The following CENPQ variants were observed in gnomAD, a reference collection of about 807,000 sequenced individuals.
The protein encoded by CENPQ is centromere protein Q.
A neutral mutation model predicts 36.6 loss-of-function variants in CENPQ; 27 were observed. The observed-to-expected ratio is 0.74, with a 90% CI of 0.54 to 1.02. The LOEUF (loss-of-function observed/expected upper bound fraction) is 1.02. Among genes scored for constraint, CENPQ ranks in the 50% least tolerant of loss-of-function variants. CENPQ has a pLI of 0.00. For synonymous variants in CENPQ, 101 were observed against 101.7 expected, an observed-to-expected ratio of 0.99 and a Z score of 0.04; for missense variants, 306 against 301.8, an observed-to-expected ratio of 1.01 and a Z score of -0.10.
chr6:49,478,854 A>G (rs1332471054), intron 5 of CENPQ, among the ~76,000 whole-genome samples: 2 of 152,188 alleles, frequency 1.3e-5, no homozygotes, highest in Admixed American at 1.3e-4. Flanking sequence ...AAACAATGTT[A>G]TAAGTGGTGA....
chr6:49,471,144 T>G, intron 3 of CENPQ, 116 bp downstream of exon 3: 1 of 528,892 alleles, frequency 1.9e-6, no homozygotes, highest in East Asian at 3.3e-5. Flanking sequence ...AATAAACAAC[T>G]ACATTTGCAT....
chr6:49,481,468 G>A (rs1359359813), intron 6 of CENPQ, among the ~76,000 whole-genome samples: 2 of 152,176 alleles, frequency 1.3e-5, no homozygotes, highest in Non-Finnish European at 1.5e-5. Context: ...GACCTTCGCG[G>A]TGAGTGTTAC....
At chr6:49,468,263 T>C (rs1430779602) in intron 1 of CENPQ, among the ~76,000 whole-genome samples, 1 of 151,754 alleles carries the variant, frequency 6.6e-6, no homozygotes, top group Non-Finnish European at 1.5e-5. Context: ...TTCCTCTCGG[T>C]GTTGGCCTTC....
At chr6:49,488,579 A>G in intron 7 of CENPQ, 28 bp from the exon 8 acceptor site, 1 of 1,603,146 alleles carries the variant, frequency 6.2e-7, no homozygotes, top group Non-Finnish European at 8.5e-7. Flanking sequence ...AGCTTTTTGA[A>G]ATAATCTGTA....
chr6:49,469,674 G>T (rs1156435378), intron 1 of CENPQ, among the ~76,000 whole-genome samples: 1 of 151,992 alleles, frequency 6.6e-6, no homozygotes, highest in African/African-American at 2.4e-5. Context: ...ATAGATTGAT[G>T]GTATAATCCT....
intron 8 of CENPQ, among the ~76,000 whole-genome samples, chr6:49,489,812 T>C (rs1021102734): frequency 6.6e-6 from 1 of 152,226 alleles, no homozygotes; most frequent in Non-Finnish European, 1.5e-5. Flanking sequence ...ACATTTTCAA[T>C]GAGCAGTAAT....
rs1398821564 is a variant in CENPQ at position 49,472,078 on chromosome 6, C to G, written c.173C>G (p.Thr58Ser). ...CTAACGACAGGACAAACAAAGCACA[C>G]TAACCTAAAACACGGAAAGACAGCA... ...DLSSEGQTKH[T>S]NLKHGKTAAS... is the part of the protein sequence containing the mutation. Residue 58 changes from threonine to serine, a missense_variant, in exon 4 of 9, where the codon ACT becomes AGT. Thr to Ser is a moderately conservative substitution (Grantham distance 58). Coordinates refer to ENST00000335783, the MANE Select transcript of CENPQ (RefSeq NM_018132.4). 3.1e-6 allele frequency: 5 copies of G among 1,612,188 alleles called. No homozygotes were observed. Among genetic ancestry groups the G allele is most frequent in the Non-Finnish European group, 2.5e-6 (3 of 1,179,102 alleles).
chr6:49,468,471 G>A (rs975263981), intron 1 of CENPQ, among the ~76,000 whole-genome samples: 1 of 152,006 alleles, frequency 6.6e-6, no homozygotes, highest in Non-Finnish European at 1.5e-5. Context: ...GGGGGTGCCT[G>A]TAGTCCCAGC....
chr6:49,479,827 G>T (rs1013891127), intron 5 of CENPQ, among the ~76,000 whole-genome samples: 1 of 152,258 alleles, frequency 6.6e-6, no homozygotes, highest in South Asian at 2.1e-4. Flanking sequence ...GCAGCAACAC[G>T]GTTGGAGCTA....
chr6:49,480,199 T>G (rs1768395702), intron 5 of CENPQ, among the ~76,000 whole-genome samples: 1 of 152,118 alleles, frequency 6.6e-6, no homozygotes, highest in African/African-American at 2.4e-5. Context: ...TAGTAGAACT[T>G]TTTAGAACCC....
Position 49,488,630 on chromosome 6 carries a change from A to G in CENPQ, c.621A>G (p.Gly207=), listed in dbSNP as rs1351673879. 7 of 1,613,606 alleles carry G rather than the reference A, an allele frequency of 4.3e-6. No individual in the cohort carries two copies. In the South Asian group the frequency reaches 7.7e-5, roughly 18 times the overall value. The change falls in exon 8 of 9, where the codon GGA becomes GGG. Residue 207 remains glycine, a synonymous_variant. Coordinates refer to ENST00000335783, the MANE Select transcript of CENPQ (RefSeq NM_018132.4). ...VKQMHQINSS[G]VLSLPELSQK... is the part of the protein sequence containing the mutation. ...AGATGCATCAAATAAATAGTAGTGG[A>G]GTACTCTCTCTTCCGGAACTTTCTC...
chr6:49,470,061 G>A (rs1161957744), intron 1 of CENPQ, 98 bp from the exon 2 acceptor site: 4 of 539,746 alleles, frequency 7.4e-6, no homozygotes, highest in Non-Finnish European at 9.7e-6. Flanking sequence ...AAGAGAATGT[G>A]GAACATTTAC....
rs549633770 is a variant in CENPQ, at chr6:49,490,758, G to T, written c.676-1386G>T. 1.1e-4 allele frequency among the ~76,000 whole-genome samples: 16 copies of T among 152,264 alleles called. No homozygotes were observed. The East Asian group carries it at 3.1e-3, about 29-fold the overall frequency. On this transcript the variant is annotated intron_variant, in intron 8 of 8. Transcript: ENST00000335783. ...TAACTGGCCTAATTTCAATATCGTT[G>T]TGTCACAGGGAATAGGGAGGCCCAA...
intron 5 of CENPQ, among the ~76,000 whole-genome samples, chr6:49,474,744 C>T (rs756734999): frequency 6.6e-6 from 1 of 151,926 alleles, no homozygotes; most frequent in African/African-American, 2.4e-5. Context: ...AAAAGATCAA[C>T]AAAATTGATA....
At chr6:49,472,676 A>G in intron 4 of CENPQ, 114 bp from the exon 5 acceptor site, 1 of 741,622 alleles carries the variant, frequency 1.3e-6, no homozygotes, top group Non-Finnish European at 1.9e-6. Flanking sequence ...AAAGTGATTG[A>G]TTTTGCCTGG....
intron 6 of CENPQ, among the ~76,000 whole-genome samples, chr6:49,482,663 T>TGG (rs1202583568): frequency 1.3e-4 from 7 of 52,722 alleles, no homozygotes; most frequent in Non-Finnish European, 1.9e-4. Flanking sequence ...TGCTCGGCGA[T>TGG]TGGCGATGGT....
At position 49,487,168 on chromosome 6, in the gene CENPQ, A is replaced by AAAAAAAAAGATGGTCCTGAGTTG. The variant is rs541811843; in HGVS notation, c.478-1183_478-1182insAAAAAAAGATGGTCCTGAGTTGA. ...AACTCCATCTCAAAAAAAAAAAAAA[A>AAAAAAAAAGATGGTCCTGAGTTG]ATAAAAAAAATAAAAACAGAGTCTG... On this transcript the variant is annotated intron_variant, in intron 6 of 8. Coordinates refer to ENST00000335783, the MANE Select transcript of CENPQ (RefSeq NM_018132.4). 2.4e-3 allele frequency among the ~76,000 whole-genome samples: 174 copies of AAAAAAAAAGATGGTCCTGAGTTG among 72,342 alleles called. 52 individuals carry two copies. The highest frequency in any genetic ancestry group is 4.5e-3 in the Non-Finnish European group (136 of 30,490). The allele number at this position is 72,342 out of a possible 152,430, so 47.5% of individuals were successfully genotyped here.
At position 49,492,393 on chromosome 6, in the gene CENPQ, A is replaced by G. The variant is rs1768744597; in HGVS notation, c.*118A>G. 1 of 841,438 alleles carries G rather than the reference A, an allele frequency of 1.2e-6. No individual in the cohort carries two copies. Among genetic ancestry groups the G allele is most frequent in the Non-Finnish European group, 1.7e-6 (1 of 576,350 alleles). The allele number at this position is 841,438 out of a possible 1,614,324, so 52.1% of individuals were successfully genotyped here. On this transcript the variant is annotated 3_prime_UTR_variant, in exon 9 of 9. Coordinates refer to ENST00000335783, the MANE Select transcript of CENPQ (RefSeq NM_018132.4). ...CTTCTGCAGGATTTATTATCTCCTG[A>G]TATGCACTTTAAAATTAGTCTTTGT...
At chr6:49,483,467 A>T (rs1381016616) in intron 6 of CENPQ, among the ~76,000 whole-genome samples, 1 of 152,082 alleles carries the variant, frequency 6.6e-6, no homozygotes, top group Non-Finnish European at 1.5e-5. Flanking sequence ...ACTGTGGAGC[A>T]GGGGGCGGCG....
Sources: gnomAD v4.1 joint callset for allele counts (sites outside exome capture counted in the v4.1 genomes callset) on GRCh38, gnomAD v4.1.1 for gene constraint, MANE v1.5 for transcripts, NCBI Gene and HGNC (gene_info 2026-07-23, HGNC 2026-07-21) for gene names.